Variants in RFTN1 observed in about 807,000 individuals in gnomAD.
RFTN1 encodes the protein raftlin.
RFTN1 carries 26 observed loss-of-function variants against 46.5 expected under a neutral mutation model. The observed-to-expected ratio is 0.56, with a 90% CI of 0.41 to 0.78. The LOEUF (loss-of-function observed/expected upper bound fraction) is 0.78. Among genes scored for constraint, RFTN1 ranks in the 30% least tolerant of loss-of-function variants. RFTN1 has a pLI of 0.00. For synonymous variants in RFTN1, 261 were observed against 284.2 expected (o/e 0.92, Z 0.82); for missense variants, 693 against 718.7 (o/e 0.96, Z 0.41).
Position 16,338,824 on chromosome 3 carries a change from A to G in RFTN1, c.1147-11948T>C, listed in dbSNP as rs955888068. Among the ~76,000 whole-genome samples, 1 of 152,216 alleles carries G rather than the reference A, an allele frequency of 6.6e-6. No homozygotes were observed. The highest frequency in any genetic ancestry group is 1.5e-5 in the Non-Finnish European group (1 of 68,036). ...GAGCTTTTCCAAAGTGTATAATTAA[A>G]AAGTTGTTTATTTTGGAGTTGGGGA... On this transcript the variant is annotated intron_variant, in intron 7 of 9. Transcript: ENST00000334133. The surrounding 1 kb of genome is among the most constrained non-coding windows in gnomAD (Gnocchi z 5.3).
chr3:16,317,287 C>T lies in RFTN1; in HGVS notation c.1333-55G>A. 6.4e-7 allele frequency: 1 copy of T among 1,572,020 alleles called. No individual in the cohort carries two copies. The highest frequency in any genetic ancestry group is 8.6e-7 in the Non-Finnish European group (1 of 1,159,384). ...ACAAGCCTCCGGGAACCCAGAGCTT[C>T]ACCCAAAGCCTTGTTTGCATTCATA... is the stretch of plus-strand genomic sequence containing the variant. On this transcript the variant is annotated intron_variant, in intron 9 of 9. Transcript: ENST00000334133. This position sits in a 1 kb window ranked among gnomAD's most constrained non-coding sequence, Gnocchi z 4.3.
rs971970321 is a variant in RFTN1, at chr3:16,498,345, C to T, written c.-8-4468G>A. On this transcript the variant is annotated intron_variant, in intron 1 of 9. Transcript: ENST00000334133. The surrounding 1 kb of genome is among the most constrained non-coding windows in gnomAD (Gnocchi z 5.2). ...GAATTAATGTAACCAAGCCAGCTGT[C>T]TCTGTACCTCACTTCTCTTTTCTGT... Among the ~76,000 whole-genome samples the T allele has an allele frequency of 2.0e-5, 3 of 152,206 alleles. No homozygotes were observed. Among genetic ancestry groups the T allele is most frequent in the African/African-American group, 7.2e-5 (3 of 41,456 alleles).
chr3:16,385,279 AAC>A lies in RFTN1; in HGVS notation c.442-7179_442-7178del, dbSNP rs1237039448. Among the ~76,000 whole-genome samples, 1 of 152,242 alleles carries A rather than the reference AAC, an allele frequency of 6.6e-6. No individual in the cohort carries two copies. The highest frequency in any genetic ancestry group is 2.4e-5 in the African/African-American group (1 of 41,462). On this transcript the variant is annotated intron_variant, in intron 4 of 9. Transcript: ENST00000334133. The surrounding 1 kb of genome is among the most constrained non-coding windows in gnomAD (Gnocchi z 5.0). ...TTTCTGAAAAGGGAGGCTCAAAAAT[AAC>A]ACGGGTTTGAGCTCACATCTGAAGC...
rs34705903 is a variant in RFTN1 at position 16,426,660 on chromosome 3, C to CGTGTGTGTGTGTGT, written c.332+7177_332+7190dup. The stretch of plus-strand genomic sequence containing the variant: ...ACTGTTATTTTGGCAATGAAAGGAT[C>CGTGTGTGTGTGTGT]GTGTGTGTGTGTGTGTGTGTGTGTG... On this transcript the variant is annotated intron_variant, in intron 3 of 9. Transcript: ENST00000334133. The surrounding 1 kb of genome is among the most constrained non-coding windows in gnomAD (Gnocchi z 5.9). 1.5e-3 allele frequency among the ~76,000 whole-genome samples: 217 copies of CGTGTGTGTGTGTGT among 142,110 alleles called. 1 individual carries two copies. The highest frequency in any genetic ancestry group is 4.5e-3 in the African/African-American group (168 of 37,592). The allele number at this position is 142,110 out of a possible 152,430, so 93.2% of individuals were successfully genotyped here.
At position 16,504,883 on chromosome 3, in the gene RFTN1, C is replaced by T. The variant is rs2076776101; in HGVS notation, c.-9+8559G>A. Among the ~76,000 whole-genome samples, 1 of 152,156 alleles carries T rather than the reference C, an allele frequency of 6.6e-6. No homozygotes were observed. Among genetic ancestry groups the T allele is most frequent in the African/African-American group, 2.4e-5 (1 of 41,430 alleles). On this transcript the variant is annotated intron_variant, in intron 1 of 9. Coordinates refer to ENST00000334133, the MANE Select transcript of RFTN1 (RefSeq NM_015150.2). This position sits in a 1 kb window ranked among gnomAD's most constrained non-coding sequence, Gnocchi z 4.4. ...CCACAGAATGCAGCACCTTGCCCAA[C>T]AAGCTTGCTCTTCCTCCTGCATTTC...
At chr3:16,510,939 A>G (rs2125018258) in intron 1 of RFTN1, among the ~76,000 whole-genome samples, 1 of 152,366 alleles carries the variant, frequency 6.6e-6, no homozygotes, top group Admixed American at 6.5e-5. Flanking sequence ...CTGTGGAGTA[A>G]GACATACTCC....
At chr3:16,404,771 C>G (rs1228096274) in intron 4 of RFTN1, among the ~76,000 whole-genome samples, 5 of 152,032 alleles carry the variant, frequency 3.3e-5, no homozygotes, top group African/African-American at 1.2e-4. Context: ...TCTCTCCAGT[C>G]CACCTAGCCA....
Position 16,387,841 on chromosome 3 carries a change from C to T in RFTN1, c.442-9739G>A, listed in dbSNP as rs568520655. Among the ~76,000 whole-genome samples the T allele has an allele frequency of 1.4e-4, 22 of 152,088 alleles. No homozygotes were observed. In the East Asian group the frequency reaches 4.3e-3, roughly 29 times the overall value. On this transcript the variant is annotated intron_variant, in intron 4 of 9. Transcript: ENST00000334133. This position sits in a 1 kb window ranked among gnomAD's most constrained non-coding sequence, Gnocchi z 5.2. ...GCCAAATCCCACAGGCTTTTTAGCC[C>T]TCACCACCCCATCCTCTCTGGTAGC...
intron 7 of RFTN1, among the ~76,000 whole-genome samples, chr3:16,354,905 C>T (rs1292128022): frequency 6.6e-6 from 1 of 152,232 alleles, no homozygotes; most frequent in Admixed American, 6.5e-5. Context: ...TTCCACAAAG[C>T]GCTAGGACAC....
chr3:16,381,127 A>AT lies in RFTN1; in HGVS notation c.442-3026dup, dbSNP rs2073978055. Among the ~76,000 whole-genome samples the AT allele has an allele frequency of 6.6e-6, 1 of 152,228 alleles. No individual in the cohort carries two copies. The highest frequency in any genetic ancestry group is 6.5e-5 in the Admixed American group (1 of 15,292). ...GAACAATTAATGCTTGAAATGACAT[A>AT]TAAAAAGTCAAGATTCTAAACTTCA... On this transcript the variant is annotated intron_variant, in intron 4 of 9. Coordinates refer to ENST00000334133, the MANE Select transcript of RFTN1 (RefSeq NM_015150.2). This position sits in a 1 kb window ranked among gnomAD's most constrained non-coding sequence, Gnocchi z 4.2.
rs2072069890 is a variant in RFTN1, at chr3:16,351,135, C to T, written c.1146+6797G>A. 6.6e-6 allele frequency among the ~76,000 whole-genome samples: 1 copy of T among 152,130 alleles called. No homozygotes were observed. Among genetic ancestry groups the T allele is most frequent in the Non-Finnish European group, 1.5e-5 (1 of 68,028 alleles). ...TTTCAGTTACAGAAAAGTGTGTCAT[C>T]GAGCCTTTCATGTAAATACAATAGA... On this transcript the variant is annotated intron_variant, in intron 7 of 9. Transcript: ENST00000334133. The surrounding 1 kb of genome is among the most constrained non-coding windows in gnomAD (Gnocchi z 5.4).
At chr3:16,454,743 T>C (rs2075875966) in intron 2 of RFTN1, 2 of 984,336 alleles carry the variant, frequency 2.0e-6, no homozygotes, top group African/African-American at 3.5e-5. Context: ...CACCAAGGCC[T>C]CCCTCCTTGT....
chr3:16,430,823 C>G (rs1194507475), intron 3 of RFTN1, among the ~76,000 whole-genome samples: 16 of 152,190 alleles, frequency 1.1e-4, no homozygotes, highest in Admixed American at 1.0e-3. Context: ...ACTTCCCTTT[C>G]TTGAAAACCC....
intron 4 of RFTN1, among the ~76,000 whole-genome samples, chr3:16,390,981 C>CT (rs2074330346): frequency 6.6e-6 from 1 of 152,158 alleles, no homozygotes; most frequent in African/African-American, 2.4e-5. Context: ...CCATGACAAC[C>CT]TTTTTCTCTC....
chr3:16,499,204 A>G lies in RFTN1; in HGVS notation c.-8-5327T>C, dbSNP rs1418914176. ...AAATGGTAAGTAGGATGGTTTTTAAATGTGGCTCCAAAATCCACTGACATT... is the reference window on the plus strand; with the variant it reads ...AAATGGTAAGTAGGATGGTTTTTAAGTGTGGCTCCAAAATCCACTGACATT... On this transcript the variant is annotated intron_variant, in intron 1 of 9. Coordinates refer to ENST00000334133, the MANE Select transcript of RFTN1 (RefSeq NM_015150.2). The surrounding 1 kb of genome is among the most constrained non-coding windows in gnomAD (Gnocchi z 4.9). Among the ~76,000 whole-genome samples the G allele has an allele frequency of 1.3e-5, 2 of 152,196 alleles. No homozygotes were observed. The highest frequency in any genetic ancestry group is 4.8e-5 in the African/African-American group (2 of 41,454).
chr3:16,427,989 A>T lies in RFTN1; in HGVS notation c.332+5862T>A, dbSNP rs1197916680. Among the ~76,000 whole-genome samples, 1 of 152,048 alleles carries T rather than the reference A, an allele frequency of 6.6e-6. No homozygotes were observed. The highest frequency in any genetic ancestry group is 1.5e-5 in the Non-Finnish European group (1 of 68,016). On this transcript the variant is annotated intron_variant, in intron 3 of 9. Coordinates refer to ENST00000334133, the MANE Select transcript of RFTN1 (RefSeq NM_015150.2). This position sits in a 1 kb window ranked among gnomAD's most constrained non-coding sequence, Gnocchi z 5.4. Reference sequence around the variant, plus strand: ...TAGAGATGCAAACCAAGACCTGTAGACTTACCTGGGCAATTATATAATTTG... The same window carrying T: ...TAGAGATGCAAACCAAGACCTGTAGTCTTACCTGGGCAATTATATAATTTG...
intron 7 of RFTN1, among the ~76,000 whole-genome samples, chr3:16,328,618 GC>G (rs1194060835): frequency 2.0e-5 from 3 of 152,176 alleles, no homozygotes; most frequent in Non-Finnish European, 4.4e-5. Context: ...CCAAAGCATG[GC>G]CCGAGCCGGC....
intron 6 of RFTN1, among the ~76,000 whole-genome samples, chr3:16,363,237 T>G (rs1276177772): frequency 6.6e-6 from 1 of 151,464 alleles, no homozygotes; most frequent in Non-Finnish European, 1.5e-5. Context: ...CCTCATTACC[T>G]TCATGGCTCA....
chr3:16,386,726 T>C (rs1420883128), intron 4 of RFTN1, among the ~76,000 whole-genome samples: 5 of 152,162 alleles, frequency 3.3e-5, no homozygotes, highest in South Asian at 2.1e-4. Flanking sequence ...GGAAAAGAAA[T>C]CTGCCCACAG....
Sources: allele counts gnomAD v4.1 joint callset (sites outside exome capture counted in the v4.1 genomes callset), GRCh38; gene constraint gnomAD v4.1.1; non-coding constraint Gnocchi (gnomAD v3.1); transcripts MANE v1.5; gene names NCBI Gene and HGNC (gene_info 2026-07-23, HGNC 2026-07-21).